SEMA4C: variants seen among roughly 807,000 people sequenced by gnomAD.
The protein encoded by SEMA4C is semaphorin-4C.
Under a neutral mutation model 89.0 loss-of-function variants are expected in SEMA4C, and 19 were observed. That is an observed-to-expected ratio of 0.21 (90% confidence interval 0.15 to 0.31). The LOEUF (loss-of-function observed/expected upper bound fraction) is 0.31. SEMA4C is among the 10% of genes least tolerant of loss of function. SEMA4C has a pLI of 1.00. For missense variants in SEMA4C, 811 were observed against 1,107.0 expected (o/e 0.73, Z 3.79); for synonymous variants, 428 against 472.7 (o/e 0.91, Z 1.23).
chr2:96,865,096 A>G lies in SEMA4C; in HGVS notation c.654T>C (p.Ser218=). Residue 218 remains serine, a synonymous_variant, in exon 8 of 15, where the codon TCT becomes TCC. Transcript: ENST00000305476. ...TGCCCACACTCTCAGGTACATAGGCAGAGCCTACAAAGTGAGGTTCTGTGG... is the reference window on the plus strand; with the variant it reads ...TGCCCACACTCTCAGGTACATAGGCGGAGCCTACAAAGTGAGGTTCTGTGG... ...FWLNEPHFVG[S]AYVPESVGSF... 1.3e-6 allele frequency: 2 copies of G among 1,568,932 alleles called. No individual in the cohort carries two copies. The highest frequency in any genetic ancestry group is 1.7e-6 in the Non-Finnish European group (2 of 1,156,712).
In SEMA4C at chr2:96,860,890, T is replaced by C. The variant is rs1261516187; in HGVS notation, c.2238A>G (p.Val746=). 9 of 1,612,966 alleles carry C rather than the reference T, an allele frequency of 5.6e-6. No individual in the cohort carries two copies. In the Admixed American group the frequency reaches 6.7e-5, roughly 12 times the overall value. ...CGGGCTGGCACCGGGCATGCCCAGG[T>C]ACTATCTTAAGGGAGCCATCTGAAT... ...YYYSDGSLKI[V]PGHARCQPGG... The change falls in exon 15 of 15, where the codon GTA becomes GTG. Residue 746 remains valine (V), a synonymous_variant. Coordinates refer to ENST00000305476, the MANE Select transcript of SEMA4C (RefSeq NM_017789.5).
chr2:96,862,427 T>C (rs768671689), intron 12 of SEMA4C: 1 of 155,138 alleles, frequency 6.4e-6, no homozygotes, highest in Admixed American at 6.2e-5. Flanking sequence ...CACAAGAGTA[T>C]TGCACAAGGC....
At chr2:96,866,582 G>T in intron 2 of SEMA4C, 151 bp from the exon 3 acceptor site, 1 of 1,108,770 alleles carries the variant, frequency 9.0e-7, no homozygotes, top group Non-Finnish European at 1.3e-6. Flanking sequence ...AACAGCCTTT[G>T]GCCCTGACAG....
chr2:96,866,677 A>G (rs1402117058), intron 2 of SEMA4C: 10 of 660,714 alleles, frequency 1.5e-5, no homozygotes, highest in South Asian at 1.5e-4. Flanking sequence ...TCTCAGCCAC[A>G]GCTTCCGGCC....
chr2:96,863,926 C>T lies in SEMA4C; in HGVS notation c.1330G>A (p.Gly444Arg), dbSNP rs2153363454. ...CATGCCTGCATACCCATGCACCCAC[C>T]TGTGCCAATGAACAGCACTGTATAG... ...ATYTVLFIGT[G>R]DGWLLKAVSL... The change falls in exon 11 of 15, where the codon GGA (glycine) becomes AGA (arginine). Residue 444 changes from glycine to arginine, a missense_variant and splice_region_variant. Around this residue, in one of 4 missense-constraint regions of SEMA4C, gnomAD observed 441 missense variants for 664.9 expected, o/e 0.66. Transcript: ENST00000305476. The T allele has an allele frequency of 6.2e-7, 1 of 1,604,946 alleles. No homozygotes were observed. Among genetic ancestry groups the T allele is most frequent in the African/African-American group, 1.3e-5 (1 of 74,850 alleles).
chr2:96,862,039 G>A, intron 12 of SEMA4C, 145 bp from the exon 13 acceptor site: 1 of 875,950 alleles, frequency 1.1e-6, no homozygotes, highest in Non-Finnish European at 1.7e-6. Context: ...AAGGGAACAA[G>A]GCAGAGCTAT....
In SEMA4C at chr2:96,860,410, A is replaced by C; in HGVS notation, c.*216T>G. The C allele has an allele frequency of 1.9e-6, 1 of 529,492 alleles. No individual in the cohort carries two copies. The highest frequency in any genetic ancestry group is 3.3e-6 in the Non-Finnish European group (1 of 302,326). 32.8% of individuals were successfully genotyped at this position (529,492 alleles called of 1,614,324 possible). ...CGCGTGTCTGTGATTCACAGAGAGG[A>C]GGAAGATGCCTTCTGCGAGGCTGGT... On this transcript the variant is annotated 3_prime_UTR_variant, in exon 15 of 15. Coordinates refer to ENST00000305476, the MANE Select transcript of SEMA4C (RefSeq NM_017789.5).
chr2:96,860,381 G>T lies in SEMA4C; in HGVS notation c.*245C>A. The T allele has an allele frequency of 1.9e-6, 1 of 513,434 alleles. No homozygotes were observed. Among genetic ancestry groups the T allele is most frequent in the Non-Finnish European group, 3.4e-6 (1 of 292,308 alleles). The allele number at this position is 513,434 out of a possible 1,614,324, so 31.8% of individuals were successfully genotyped here. ...GCCTTGAAAAGTTTTGGCGGCTGGG[G>T]TCCCGCGTGTCTGTGATTCACAGAG... On this transcript the variant is annotated 3_prime_UTR_variant, in exon 15 of 15. Coordinates refer to ENST00000305476, the MANE Select transcript of SEMA4C (RefSeq NM_017789.5).
In SEMA4C at chr2:96,865,668, C is replaced by A; in HGVS notation, c.418G>T (p.Val140Phe). Residue 140 changes from valine (V) to phenylalanine (F), a missense_variant and splice_region_variant, in exon 5 of 15, where the codon GTC becomes TTC. Physicochemically the swap from Val to Phe is conservative, Grantham distance 50 (BLOSUM62 -1). Transcript: ENST00000305476. ...TYAFQPKCTY[V>F]NMLTFTLEHG... ...CGAGGTAGGAGGGCAGCACTCACGA[C>A]GTAGGTGCACTTGGGCTGGAAGGCG... The A allele has an allele frequency of 6.2e-7, 1 of 1,613,920 alleles. No homozygotes were observed. Among genetic ancestry groups the A allele is most frequent in the Non-Finnish European group, 8.5e-7 (1 of 1,179,874 alleles).
At chr2:96,868,294 A>G (rs2080127450) in intron 1 of SEMA4C, 3 of 494,866 alleles carry the variant, frequency 6.1e-6, no homozygotes, top group Non-Finnish European at 8.7e-6. Context: ...AACCTCAGGC[A>G]GCAGGCCTTG....
chr2:96,863,749 T>C lies in SEMA4C; in HGVS notation c.1376A>G (p.His459Arg). The C allele has an allele frequency of 6.2e-7, 1 of 1,613,958 alleles. No homozygotes were observed. The highest frequency in any genetic ancestry group is 8.5e-7 in the Non-Finnish European group (1 of 1,180,014). Residue 459 changes from histidine (H) to arginine (R), a missense_variant, in exon 12 of 15, where the codon CAC (histidine) becomes CGC (arginine). This residue lies in a region of SEMA4C where 441 missense variants were observed against 664.9 expected (regional missense o/e 0.66). Coordinates refer to ENST00000305476, the MANE Select transcript of SEMA4C (RefSeq NM_017789.5). Reference protein sequence around the residue: ...LKAVSLGPWVHLIEELQLFDQ... With the variant: ...LKAVSLGPWVRLIEELQLFDQ... ...AAACAGCTGCAGCTCCTCAATCAGG[T>C]GAACCCAGGGCCCCAGGCTCACAGC...
At position 96,864,997 on chromosome 2, in the gene SEMA4C, CTCGGCATAGCAG is replaced by C; in HGVS notation, c.741_752del (p.Asp247_Ala250del). 1 of 1,566,060 alleles carries C rather than the reference CTCGGCATAGCAG, an allele frequency of 6.4e-7. No homozygotes were observed. The highest frequency in any genetic ancestry group is 8.7e-7 in the Non-Finnish European group (1 of 1,155,464). On this transcript the variant is annotated inframe_deletion, in exon 8 of 15. Coordinates refer to ENST00000305476, the MANE Select transcript of SEMA4C (RefSeq NM_017789.5). This position sits in a 1 kb window ranked among gnomAD's most constrained non-coding sequence, Gnocchi z 6.3. ...CACGGGCCACACGAGCCACCACCTG[CTCGGCATAGCAG>C]TCGGACTCCACTGCCCGCTCCCTGA... is the stretch of plus-strand genomic sequence containing the variant.
chr2:96,869,937 C>A lies in SEMA4C; in HGVS notation c.-99G>T. ...CGCGTTCGGCTCTGACCGCCGTCCA[C>A]CCCTGCCCCCGCGTCGCCGCCTGCC... On this transcript the variant is annotated 5_prime_UTR_variant, in exon 1 of 15. Transcript: ENST00000305476. 1 of 987,008 alleles carries A rather than the reference C, an allele frequency of 1.0e-6. No homozygotes were observed. The highest frequency in any genetic ancestry group is 1.2e-6 in the Non-Finnish European group (1 of 830,766). The allele number at this position is 987,008 out of a possible 1,614,324, so 61.1% of individuals were successfully genotyped here. A position where few individuals can be genotyped will look rare whatever the true frequency, so the allele number is the denominator to read the frequency against.
At chr2:96,862,857 A>G (rs1299365733) in intron 12 of SEMA4C, 3 of 114,404 alleles carry the variant, frequency 2.6e-5, no homozygotes, top group Admixed American at 9.6e-5. Flanking sequence ...GCGAGACTCC[A>G]TCTCAAAAAA....
In SEMA4C at chr2:96,860,009, G is replaced by A. The variant is rs766174666; in HGVS notation, c.*617C>T. On this transcript the variant is annotated 3_prime_UTR_variant, in exon 15 of 15. Coordinates refer to ENST00000305476, the MANE Select transcript of SEMA4C (RefSeq NM_017789.5). ...CCCACCCTTCCCCCCAAACACACAG[G>A]AGGCTCCATCTCCCTCCCCCCACCC... 139 of 99,750 alleles carry A rather than the reference G, an allele frequency of 1.4e-3. No homozygotes were observed. The highest frequency in any genetic ancestry group is 1.9e-3 in the Admixed American group (13 of 6,974). The allele number at this position is 99,750 out of a possible 1,614,324, so 6.2% of individuals were successfully genotyped here.
chr2:96,869,097 C>T (rs2080148625), intron 1 of SEMA4C: 1 of 985,390 alleles, frequency 1.0e-6, no homozygotes, highest in Non-Finnish European at 1.2e-6. Flanking sequence ...CGGACGCCCC[C>T]TGTCGGCCCA....
Position 96,860,730 on chromosome 2 carries a change from C to T in SEMA4C, c.2398G>A (p.Gly800Arg), listed in dbSNP as rs749637396. 222 of 1,613,806 alleles carry T rather than the reference C, an allele frequency of 1.4e-4. 1 individual carries two copies. The highest frequency in any genetic ancestry group is 1.8e-4 in the Non-Finnish European group (207 of 1,179,984). ...TCAGGCAGGGGGTGCCCGAGCCCTC[C>T]CCGGTCCTCCCCTCCTAGTTGTAAG... The part of the protein sequence containing the change: ...VRLQLGGEDR[G>R]GLGHPLPELA... Residue 800 changes from glycine to arginine, a missense_variant, in exon 15 of 15, where the codon GGA becomes AGA. Physicochemically the swap from Gly to Arg is moderately radical, Grantham distance 125. Around this residue, in one of 4 missense-constraint regions of SEMA4C, gnomAD observed 248 missense variants for 269.0 expected, o/e 0.92. Transcript: ENST00000305476.
At position 96,866,336 on chromosome 2, in the gene SEMA4C, C is replaced by T. The variant is rs200303091; in HGVS notation, c.205G>A (p.Ala69Thr). Reference sequence around the variant, plus strand: ...CTGAAGGCAAACAGGGCCTCTCGGGCGCCCACGTACAGAAGCCCAGTGGGC... The same window carrying T: ...CTGAAGGCAAACAGGGCCTCTCGGGTGCCCACGTACAGAAGCCCAGTGGGC... ...TEPTGLLYVG[A>T]REALFAFSME... The change falls in exon 3 of 15, where the codon GCC (alanine) becomes ACC (threonine). Residue 69 changes from alanine to threonine, a missense_variant. By Grantham distance (58) the Ala-to-Thr change is moderately conservative (BLOSUM62 0). Coordinates refer to ENST00000305476, the MANE Select transcript of SEMA4C (RefSeq NM_017789.5). The T allele has an allele frequency of 1.1e-4, 185 of 1,613,320 alleles. No individual in the cohort carries two copies. The highest frequency in any genetic ancestry group is 1.5e-4 in the Non-Finnish European group (174 of 1,179,638).
intron 2 of SEMA4C, chr2:96,866,792 C>T (rs2080083260): frequency 2.6e-6 from 1 of 391,494 alleles, no homozygotes; most frequent in Non-Finnish European, 4.9e-6. Flanking sequence ...GCGGCTGCTT[C>T]CTTCTTTGCC....
Sources: allele counts gnomAD v4.1 joint callset, GRCh38; gene constraint gnomAD v4.1.1; regional missense constraint gnomAD v4.1.1; non-coding constraint Gnocchi (gnomAD v3.1); transcripts MANE v1.5; gene names NCBI Gene and HGNC (gene_info 2026-07-23, HGNC 2026-07-21).